Variants in CTNNA2 observed in about 807,000 individuals in gnomAD.
CTNNA2 encodes catenin alpha-2.
In CTNNA2, 42 loss-of-function variants were observed where a neutral mutation model predicts 101.0. The observed-to-expected ratio is 0.42, with a 90% CI of 0.32 to 0.54. The LOEUF is 0.54. Ranked by LOEUF, CTNNA2 falls within the 20% of genes least tolerant of loss-of-function variation. The pLI, the probability that CTNNA2 is intolerant of heterozygous loss-of-function variation, is 0.14. For synonymous variants in CTNNA2, 450 were observed against 456.4 expected (o/e 0.99, Z 0.18); for missense variants, 871 against 1,223.1 (o/e 0.71, Z 4.29).
Position 80,267,215 on chromosome 2 carries a change from A to G in CTNNA2, c.1057-125996A>G, listed in dbSNP as rs1673069403. ...CTCACTTCCCCCACATCTTCCCACT[A>G]GTTCTCAGAGGATATACAGTGTATG... On this transcript the variant is annotated intron_variant, in intron 7 of 18. Transcript: ENST00000402739. 1.3e-5 allele frequency among the ~76,000 whole-genome samples: 2 copies of G among 152,042 alleles called. 1 individual carries two copies. Among genetic ancestry groups the G allele is most frequent in the South Asian group, 4.2e-4 (2 of 4,816 alleles).
intron 7 of CTNNA2, among the ~76,000 whole-genome samples, chr2:80,375,214 G>T (rs1279702015): frequency 6.6e-6 from 1 of 152,170 alleles, no homozygotes; most frequent in East Asian, 1.9e-4. Flanking sequence ...ACGGACACAA[G>T]GGAGAAGAGA....
rs1682826818 is a variant in CTNNA2 at position 79,874,255 on chromosome 2, C to A, written c.765C>A (p.Ser255=). The A allele has an allele frequency of 6.2e-7, 1 of 1,614,004 alleles. No homozygotes were observed. Among genetic ancestry groups the A allele is most frequent in the Admixed American group, 1.7e-5 (1 of 59,982 alleles). The change falls in exon 6 of 19, where the codon TCC becomes TCA. Residue 255 remains serine, a synonymous_variant. Coordinates refer to ENST00000402739, the MANE Select transcript of CTNNA2 (RefSeq NM_001282597.3). ...TCCAGGAGGCCATCGCCGGCATCTC[C>A]AATGCTGCTCAAGCTACCTCGCCCA... is the stretch of plus-strand genomic sequence containing the variant. ...KQVQEAIAGI[S]NAAQATSPTD...
chr2:79,837,669 C>T (rs115701220), intron 3 of CTNNA2, among the ~76,000 whole-genome samples: 70 of 151,764 alleles, frequency 4.6e-4, no homozygotes, highest in Middle Eastern at 6.8e-3. Context: ...TTCTCCTATA[C>T]CAATTGTTAT....
rs112500072 is a variant in CTNNA2 at position 79,929,673 on chromosome 2, C to T, written c.1056+19876C>T. 7.2e-5 allele frequency among the ~76,000 whole-genome samples: 11 copies of T among 152,272 alleles called. 1 individual carries two copies. The highest frequency in any genetic ancestry group is 2.1e-4 in the South Asian group (1 of 4,820). On this transcript the variant is annotated intron_variant, in intron 7 of 18. Transcript: ENST00000402739. ...GTTGGTTGTAGGATGGCCCCATCAT[C>T]GAGGAAATTCTTCATTCCTTGTATT...
chr2:80,308,519 C>T (rs1486884528), intron 7 of CTNNA2, among the ~76,000 whole-genome samples: 1 of 152,132 alleles, frequency 6.6e-6, no homozygotes, highest in Non-Finnish European at 1.5e-5. Flanking sequence ...TCTGTGGGCA[C>T]ATACCATACA....
At chr2:80,612,433 C>T (rs934534586) in intron 17 of CTNNA2, among the ~76,000 whole-genome samples, 2 of 151,544 alleles carry the variant, frequency 1.3e-5, no homozygotes, top group African/African-American at 4.8e-5. Context: ...TACAAACATA[C>T]AAACACAGAG....
intron 4 of CTNNA2, among the ~76,000 whole-genome samples, chr2:79,457,099 G>T (rs1364233748): frequency 1.3e-5 from 2 of 151,840 alleles, no homozygotes; most frequent in Non-Finnish European, 2.9e-5. Flanking sequence ...CTACTCAGGA[G>T]GCTGAGGCAG....
chr2:79,804,001 T>C (rs891641310), intron 3 of CTNNA2, among the ~76,000 whole-genome samples: 4 of 152,366 alleles, frequency 2.6e-5, no homozygotes, highest in African/African-American at 9.6e-5. Flanking sequence ...AAGAGGCAGC[T>C]GGCCATGTGG....
At chr2:79,887,588 A>G (rs1683975857) in intron 6 of CTNNA2, among the ~76,000 whole-genome samples, 1 of 152,204 alleles carries the variant, frequency 6.6e-6, no homozygotes, top group Non-Finnish European at 1.5e-5. Flanking sequence ...ACAAAATTCT[A>G]CAAAGTCTAG....
chr2:79,324,562 A>G (rs544267332), intron 3 of CTNNA2, among the ~76,000 whole-genome samples: 1 of 152,108 alleles, frequency 6.6e-6, no homozygotes, highest in Non-Finnish European at 1.5e-5. Flanking sequence ...AAAAATAAAT[A>G]TTACATCCAG....
intron 4 of CTNNA2, among the ~76,000 whole-genome samples, chr2:79,444,618 G>A (rs1418501740): frequency 1.3e-5 from 2 of 151,974 alleles, no homozygotes; most frequent in African/African-American, 2.4e-5. Flanking sequence ...GAACCCCCTG[G>A]TGGTTTATGA....
At chr2:80,561,890 G>T (rs1340485765) in intron 12 of CTNNA2, among the ~76,000 whole-genome samples, 1 of 144,920 alleles carries the variant, frequency 6.9e-6, no homozygotes, top group Admixed American at 7.1e-5. Context: ...TGGCCAGGCT[G>T]ATCTCAAACC....
chr2:80,553,044 C>T (rs1036734410), intron 11 of CTNNA2, among the ~76,000 whole-genome samples: 123 of 145,216 alleles, frequency 8.5e-4, no homozygotes, highest in African/African-American at 3.1e-3. Context: ...TGGTGAAACC[C>T]TGTCTTTACT....
rs1291121836 is a variant in CTNNA2 at position 80,529,767 on chromosome 2, A to G, written c.1291-15215A>G. Among the ~76,000 whole-genome samples the G allele has an allele frequency of 5.9e-5, 9 of 152,150 alleles. No individual in the cohort carries two copies. The East Asian group carries it at 1.7e-3, about 29-fold the overall frequency. The stretch of plus-strand genomic sequence containing the variant: ...TCTGGTACTATTAGTCAGAACACCA[A>G]CTTAAGCTTTATTTCACGTAGCAGA... On this transcript the variant is annotated intron_variant, in intron 9 of 18. Coordinates refer to ENST00000402739, the MANE Select transcript of CTNNA2 (RefSeq NM_001282597.3).
chr2:79,904,601 G>A (rs1685293728), intron 6 of CTNNA2, among the ~76,000 whole-genome samples: 1 of 152,164 alleles, frequency 6.6e-6, no homozygotes, highest in African/African-American at 2.4e-5. Flanking sequence ...GACCTTATTT[G>A]TGAGCTGAAT....
At chr2:79,268,815 A>G (rs764853557) in intron 2 of CTNNA2, among the ~76,000 whole-genome samples, 2 of 152,086 alleles carry the variant, frequency 1.3e-5, no homozygotes, top group Non-Finnish European at 2.9e-5. Context: ...AACAGAGGAG[A>G]AACTGTTTTT....
intron 4 of CTNNA2, among the ~76,000 whole-genome samples, chr2:79,472,278 T>G (rs1558675549): frequency 6.6e-6 from 1 of 152,218 alleles, no homozygotes; most frequent in Non-Finnish European, 1.5e-5. Context: ...TTTGGCTTCA[T>G]GCCCTGCCTT....
At chr2:79,300,165 TCTAACTA>T in intron 2 of CTNNA2, among the ~76,000 whole-genome samples, 1 of 152,268 alleles carries the variant, frequency 6.6e-6, no homozygotes, top group Non-Finnish European at 1.5e-5. Context: ...TTCCCCCTGC[TCTAACTA>T]CTCATCCCTT....
chr2:79,527,434 A>T (rs969213112), intron 1 of CTNNA2, among the ~76,000 whole-genome samples: 1 of 146,196 alleles, frequency 6.8e-6, no homozygotes, highest in Non-Finnish European at 1.5e-5. Context: ...GATCGAGACC[A>T]TCCTGGCCAA....
Sources: gnomAD v4.1 joint callset for allele counts (sites outside exome capture counted in the v4.1 genomes callset) on GRCh38, gnomAD v4.1.1 for gene constraint, MANE v1.5 for transcripts, NCBI Gene and HGNC (gene_info 2026-07-23, HGNC 2026-07-21) for gene names.